MYO5B: variants seen among roughly 807,000 people sequenced by gnomAD.
The protein encoded by MYO5B is myosin VB, also known as unconventional myosin-Vb.
A neutral mutation model predicts 229.3 loss-of-function variants in MYO5B; 143 were observed. The observed-to-expected ratio is 0.62, with a 90% CI of 0.54 to 0.72. The LOEUF (loss-of-function observed/expected upper bound fraction) is 0.72. MYO5B is among the 30% of genes least tolerant of loss of function. The probability of loss-of-function intolerance (pLI) is 0.00; values close to 1 mark genes in which losing one functional copy is unlikely to be tolerated. For missense variants in MYO5B, 2,321 were observed against 2,331.0 expected, an observed-to-expected ratio of 1.00 and a Z score of 0.09; for synonymous variants, 918 against 885.2, an observed-to-expected ratio of 1.04 and a Z score of -0.66.
rs761018020 is a variant in MYO5B at position 49,992,534 on chromosome 18, T to C, written c.613-103A>G. Reference sequence around the variant, plus strand: ...ATGTGTCCCCTTTCTCTTCCTTACTTACAGAAACCCTCTGTTCTTGGGATG... The same window carrying C: ...ATGTGTCCCCTTTCTCTTCCTTACTCACAGAAACCCTCTGTTCTTGGGATG... On this transcript the variant is annotated intron_variant, in intron 5 of 39. Coordinates refer to ENST00000285039, the MANE Select transcript of MYO5B (RefSeq NM_001080467.3). 2.5e-5 allele frequency: 38 copies of C among 1,509,206 alleles called. No individual in the cohort carries two copies. The Admixed American group carries it at 3.9e-4, about 15-fold the overall frequency. 93.5% of individuals were successfully genotyped at this position (1,509,206 alleles called of 1,614,324 possible).
At chr18:50,095,000 T>C (rs2031522526) in intron 1 of MYO5B, among the ~76,000 whole-genome samples, 2 of 152,132 alleles carry the variant, frequency 1.3e-5, no homozygotes, top group African/African-American at 4.8e-5. Flanking sequence ...GCTAATTTTT[T>C]TGTATTTTTA....
At chr18:49,997,182 C>A (rs2025996796) in intron 5 of MYO5B, among the ~76,000 whole-genome samples, 1 of 147,270 alleles carries the variant, frequency 6.8e-6, no homozygotes, top group African/African-American at 2.5e-5. Flanking sequence ...GTAGGAGAAT[C>A]GCTGGAGCCC....
Position 49,954,396 on chromosome 18 carries a change from A to T in MYO5B, c.1585T>A (p.Tyr529Asn), listed in dbSNP as rs1438151974. The T allele has an allele frequency of 6.2e-7, 1 of 1,613,888 alleles. No individual in the cohort carries two copies. The highest frequency in any genetic ancestry group is 8.5e-7 in the Non-Finnish European group (1 of 1,179,972). ...TGCTGGCTGCTGGAGTGCCGGTCAT[A>T]GAGCTTCTGAGCCCAGTTCTGGTCA... ...GTDQNWAQKL[Y>N]DRHSSSQHFQ... The change falls in exon 13 of 40, where the codon TAT becomes AAT. Residue 529 changes from tyrosine to asparagine, a missense_variant. Around this residue, in one of 2 missense-constraint regions of MYO5B, gnomAD observed 2,113 missense variants for 2,044.7 expected, o/e 1.03. Transcript: ENST00000285039.
intron 1 of MYO5B, among the ~76,000 whole-genome samples, chr18:50,076,326 C>G (rs2031077172): frequency 6.6e-6 from 1 of 152,092 alleles, no homozygotes; most frequent in African/African-American, 2.4e-5. Context: ...GACGATCATA[C>G]CATGTTCCAT....
intron 16 of MYO5B, among the ~76,000 whole-genome samples, chr18:49,933,855 T>C (rs2025220676): frequency 6.6e-6 from 1 of 152,160 alleles, no homozygotes; most frequent in Non-Finnish European, 1.5e-5. Flanking sequence ...ATAATTCCTA[T>C]TCAGATTCTT....
chr18:50,004,847 C>T (rs2026084583), intron 4 of MYO5B, among the ~76,000 whole-genome samples: 1 of 152,186 alleles, frequency 6.6e-6, no homozygotes, highest in South Asian at 2.1e-4. Flanking sequence ...GCAGCTCTCC[C>T]ACTGTGTTCT....
intron 1 of MYO5B, among the ~76,000 whole-genome samples, chr18:50,107,046 A>T (rs549756122): frequency 1.5e-4 from 22 of 149,850 alleles, no homozygotes; most frequent in Non-Finnish European, 3.0e-4. Context: ...CCTGACTCTG[A>T]ATCATGGGCT....
At chr18:50,008,363 G>A (rs1320998303) in intron 4 of MYO5B, among the ~76,000 whole-genome samples, 1 of 152,166 alleles carries the variant, frequency 6.6e-6, no homozygotes, top group Non-Finnish European at 1.5e-5. Context: ...ACTTGGATGA[G>A]TGGTCTGGCA....
chr18:50,015,722 C>T (rs775456054), intron 4 of MYO5B, among the ~76,000 whole-genome samples: 2 of 152,164 alleles, frequency 1.3e-5, no homozygotes, highest in African/African-American at 2.4e-5. Context: ...CTTCCAAGGC[C>T]CCAACCTTCT....
At chr18:49,980,350 T>C (rs759974255) in intron 9 of MYO5B, 94 bp downstream of exon 9, 107 of 905,554 alleles carry the variant, frequency 1.2e-4, no homozygotes, top group Non-Finnish European at 1.7e-4. Flanking sequence ...AAATAACCTA[T>C]GAGTGTCCTC....
In MYO5B at chr18:49,954,321, C is replaced by T. The variant is rs536900208; in HGVS notation, c.1660G>A (p.Ala554Thr). ...SNTAFIIVHF[A>T]DKVEYLSDGF... The stretch of plus-strand genomic sequence containing the variant: ...ACAGAGAGGAGAGCCACCTTGTCTG[C>T]AAAGTGGACGATGATGAAGGCCGTG... The change falls in exon 13 of 40, where the codon GCA (alanine) becomes ACA (threonine). Residue 554 changes from alanine to threonine, a missense_variant. Around this residue, in one of 2 missense-constraint regions of MYO5B, gnomAD observed 2,113 missense variants for 2,044.7 expected, o/e 1.03. Coordinates refer to ENST00000285039, the MANE Select transcript of MYO5B (RefSeq NM_001080467.3). 8.7e-6 allele frequency: 14 copies of T among 1,613,872 alleles called. No homozygotes were observed. The East Asian group carries it at 1.6e-4, about 18-fold the overall frequency.
chr18:49,962,231 C>T, intron 12 of MYO5B, 35 bp downstream of exon 12: 2 of 1,613,546 alleles, frequency 1.2e-6, no homozygotes, highest in South Asian at 1.1e-5. Flanking sequence ...ACATCCCTAC[C>T]CTAGAATTGA....
At chr18:49,996,218 T>A (rs1224736757) in intron 5 of MYO5B, among the ~76,000 whole-genome samples, 1 of 152,214 alleles carries the variant, frequency 6.6e-6, no homozygotes, top group Non-Finnish European at 1.5e-5. Flanking sequence ...TGCAAAGTGA[T>A]TGATAGATCT....
At chr18:50,180,680 C>T (rs2033060974) in intron 1 of MYO5B, among the ~76,000 whole-genome samples, 1 of 152,188 alleles carries the variant, frequency 6.6e-6, no homozygotes, top group Non-Finnish European at 1.5e-5. Flanking sequence ...GACTGAAATT[C>T]TGTGTCCATT....
At chr18:49,946,957 C>T (rs2025380439) in intron 14 of MYO5B, among the ~76,000 whole-genome samples, 3 of 130,800 alleles carry the variant, frequency 2.3e-5, no homozygotes, top group Admixed American at 1.7e-4. Flanking sequence ...TAGACATCCG[C>T]AAAAGACCCA....
At chr18:50,019,954 C>T (rs1272647143) in intron 4 of MYO5B, among the ~76,000 whole-genome samples, 2 of 152,172 alleles carry the variant, frequency 1.3e-5, no homozygotes, top group African/African-American at 2.4e-5. Flanking sequence ...TCTGTGGTCA[C>T]AGACCAGGGC....
At chr18:49,920,742 C>T (rs549460662) in intron 17 of MYO5B, among the ~76,000 whole-genome samples, 4 of 152,276 alleles carry the variant, frequency 2.6e-5, no homozygotes, top group African/African-American at 9.6e-5. Context: ...AGGCAGGATG[C>T]ATTTTTAAAT....
intron 30 of MYO5B, among the ~76,000 whole-genome samples, chr18:49,855,159 C>A (rs1304841202): frequency 6.6e-6 from 1 of 152,194 alleles, no homozygotes; most frequent in East Asian, 1.9e-4. Flanking sequence ...TGAGAGAGAA[C>A]AGACACTCTT....
chr18:49,958,402 G>T (rs1360734220), intron 12 of MYO5B, among the ~76,000 whole-genome samples: 1 of 152,158 alleles, frequency 6.6e-6, no homozygotes, highest in Non-Finnish European at 1.5e-5. Context: ...TTCTCTTCAA[G>T]CTTCTGACCC....
Sources: allele counts gnomAD v4.1 joint callset (sites outside exome capture counted in the v4.1 genomes callset), GRCh38; gene constraint gnomAD v4.1.1; regional missense constraint gnomAD v4.1.1; transcripts MANE v1.5; gene names NCBI Gene and HGNC (gene_info 2026-07-23, HGNC 2026-07-21).